Variants in ZNF717 observed in about 807,000 individuals in gnomAD.
ZNF717 encodes the protein zinc finger protein 717.
Under a neutral mutation model 13.8 loss-of-function variants are expected in ZNF717, and 9 were observed. That is an observed-to-expected ratio of 0.65 (90% CI 0.39 to 1.14). The LOEUF (loss-of-function observed/expected upper bound fraction) is 1.14. Ranked by LOEUF, ZNF717 falls within the 50% of genes most tolerant of loss-of-function variation. The pLI, the probability that ZNF717 is intolerant of heterozygous loss-of-function variation, is 0.01. For synonymous variants in ZNF717, 327 were observed against 364.1 expected (o/e 0.90, Z 1.16); for missense variants, 1,040 against 1,080.7 (o/e 0.96, Z 0.53).
chr3:75,784,221 A>G (rs1400587939), intron 1 of ZNF717, among the ~76,000 whole-genome samples: 1 of 152,208 alleles, frequency 6.6e-6, no homozygotes, highest in Non-Finnish European at 1.5e-5. Context: ...GGCAACATAA[A>G]TATATCAACT....
chr3:75,742,343 T>TAAA (rs1306875716), intron 2 of ZNF717, among the ~76,000 whole-genome samples: 9 of 112,262 alleles, frequency 8.0e-5, no homozygotes, highest in African/African-American at 2.8e-4. Flanking sequence ...AAAAAAAGAA[T>TAAA]AAAATTCTAC....
At chr3:75,726,246 G>C (rs895869735), downstream of ZNF717, among the ~76,000 whole-genome samples, 2 of 152,276 alleles carry the variant, frequency 1.3e-5, no homozygotes, top group South Asian at 2.1e-4. Flanking sequence ...TGCCCTGAGA[G>C]GGAGGGCACA....
chr3:75,746,317 T>C (rs1261185629), intron 2 of ZNF717, among the ~76,000 whole-genome samples: 2 of 152,220 alleles, frequency 1.3e-5, no homozygotes, highest in Non-Finnish European at 2.9e-5. Flanking sequence ...GTCTTTGCTA[T>C]TGTGAGTAGC....
chr3:75,712,077 G>A (rs1937949935), intron 5 of ZNF717, among the ~76,000 whole-genome samples: 1 of 152,232 alleles, frequency 6.6e-6, no homozygotes, highest in Admixed American at 6.5e-5. Context: ...GGACATAACA[G>A]CAGAGTTGGA....
At chr3:75,769,483 G>A (rs1382128206) in intron 2 of ZNF717, among the ~76,000 whole-genome samples, 1 of 152,174 alleles carries the variant, frequency 6.6e-6, no homozygotes, top group Non-Finnish European at 1.5e-5. Context: ...ATTGTGATAT[G>A]TAAAAGGATA....
At chr3:75,714,467 G>C (rs1178698927) in intron 5 of ZNF717, among the ~76,000 whole-genome samples, 2 of 151,612 alleles carry the variant, frequency 1.3e-5, no homozygotes, top group African/African-American at 4.9e-5. Context: ...TATAATATTG[G>C]AATAAAGAGT....
At chr3:75,751,217 C>T (rs113874596) in intron 2 of ZNF717, among the ~76,000 whole-genome samples, 1 of 147,698 alleles carries the variant, frequency 6.8e-6, no homozygotes, top group East Asian at 2.1e-4. Flanking sequence ...TGTCTGAATG[C>T]TTGTCCCTCA....
At chr3:75,727,539 G>A (rs1276233725), downstream of ZNF717, among the ~76,000 whole-genome samples, 1 of 152,132 alleles carries the variant, frequency 6.6e-6, no homozygotes, top group Non-Finnish European at 1.5e-5. Flanking sequence ...TGGCCGCTCT[G>A]GGAGTGTCTG....
chr3:75,701,566 C>T (rs1294477162), intron 6 of ZNF717, among the ~76,000 whole-genome samples: 3 of 152,254 alleles, frequency 2.0e-5, no homozygotes, highest in African/African-American at 4.8e-5. Context: ...CGGGCAGGTG[C>T]CTGTAATCCC....
intron 2 of ZNF717, among the ~76,000 whole-genome samples, chr3:75,761,322 G>C (rs1360218016): frequency 6.6e-6 from 1 of 152,244 alleles, no homozygotes; most frequent in Non-Finnish European, 1.5e-5. Flanking sequence ...TCCACAGCGG[G>C]ATGAACACCT....
intron 6 of ZNF717, among the ~76,000 whole-genome samples, chr3:75,697,342 T>C (rs1937614699): frequency 6.6e-6 from 1 of 152,306 alleles, no homozygotes; most frequent in East Asian, 1.9e-4. Context: ...TATTTAAATG[T>C]AATTCTCAAT....
chr3:75,732,893 C>G (rs1262801170), downstream of ZNF717, among the ~76,000 whole-genome samples: 3 of 151,876 alleles, frequency 2.0e-5, no homozygotes, highest in Admixed American at 6.6e-5. Flanking sequence ...ATCATCAGAA[C>G]CAGACACACC....
intron 4 of ZNF717, among the ~76,000 whole-genome samples, chr3:75,718,157 C>A (rs1264233662): frequency 1.3e-5 from 2 of 152,106 alleles, no homozygotes; most frequent in Non-Finnish European, 2.9e-5. Flanking sequence ...CAGGGGACAA[C>A]GGAACTGAGG....
intron 2 of ZNF717, among the ~76,000 whole-genome samples, chr3:75,764,536 G>A (rs1031749721): frequency 4.3e-4 from 66 of 151,952 alleles, no homozygotes; most frequent in Non-Finnish European, 6.6e-4. Flanking sequence ...AATGAACTGT[G>A]AGATAAATGA....
chr3:75,727,459 T>A (rs1361353807), downstream of ZNF717, among the ~76,000 whole-genome samples: 1 of 152,152 alleles, frequency 6.6e-6, no homozygotes, highest in Non-Finnish European at 1.5e-5. Context: ...ACTGAATTCT[T>A]TTCCCAGCAA....
intron 2 of ZNF717, among the ~76,000 whole-genome samples, chr3:75,771,500 C>T (rs1943864979): frequency 6.6e-6 from 1 of 152,234 alleles, no homozygotes; most frequent in Non-Finnish European, 1.5e-5. Context: ...AGCAGGACTG[C>T]TAGGGCCTCC....
chr3:75,707,566 C>T (rs139695899), downstream of ZNF717, among the ~76,000 whole-genome samples: 1 of 152,262 alleles, frequency 6.6e-6, no homozygotes, highest in Non-Finnish European at 1.5e-5. Context: ...TTTGAGGTAC[C>T]GGGTTCATCT....
At chr3:75,727,665 C>T (rs1938315320), downstream of ZNF717, among the ~76,000 whole-genome samples, 1 of 152,234 alleles carries the variant, frequency 6.6e-6, no homozygotes, top group East Asian at 1.9e-4. Context: ...GTTCTCTGCT[C>T]TTGAACCTTG....
chr3:75,714,949 C>T (rs1177123527), intron 5 of ZNF717, among the ~76,000 whole-genome samples: 2 of 152,150 alleles, frequency 1.3e-5, no homozygotes, highest in African/African-American at 2.4e-5. Flanking sequence ...CACATATACA[C>T]ACACAAATAA....
Sources: gnomAD v4.1 joint callset for allele counts (sites outside exome capture counted in the v4.1 genomes callset) on GRCh38, gnomAD v4.1.1 for gene constraint, MANE v1.5 for transcripts, NCBI Gene and HGNC (gene_info 2026-07-23, HGNC 2026-07-21) for gene names.